Variants in FRMD3 observed in about 807,000 individuals in gnomAD.
FRMD3 encodes FERM domain-containing protein 3.
In FRMD3, 33 loss-of-function variants were observed where a neutral mutation model predicts 70.2. The ratio of observed to expected loss-of-function variants is 0.47; its 90% CI spans 0.36 to 0.63. FRMD3 has a LOEUF of 0.63. Ranked by LOEUF, FRMD3 falls within the 20% of genes least tolerant of loss-of-function variation. The pLI is 0.00. For missense variants in FRMD3, 632 were observed against 711.4 expected, an observed-to-expected ratio of 0.89 and a Z score of 1.27; for synonymous variants, 279 against 255.9, an observed-to-expected ratio of 1.09 and a Z score of -0.86.
chr9:83,463,037 T>G (rs747435017), intron 1 of FRMD3, among the ~76,000 whole-genome samples: 1 of 152,214 alleles, frequency 6.6e-6, no homozygotes, highest in Non-Finnish European at 1.5e-5. Context: ...CTTGCTAGAT[T>G]GCAAAAGAAG....
intron 1 of FRMD3, among the ~76,000 whole-genome samples, chr9:83,529,007 GTACAAAA>G (rs1203354316): frequency 6.6e-6 from 1 of 152,078 alleles, no homozygotes; most frequent in Non-Finnish European, 1.5e-5. Context: ...TAGCTATATT[GTACAAAA>G]TAAAGTAGTG....
At chr9:83,325,982 C>CT (rs1314131958) in intron 6 of FRMD3, among the ~76,000 whole-genome samples, 1 of 152,174 alleles carries the variant, frequency 6.6e-6, no homozygotes, top group Non-Finnish European at 1.5e-5. Context: ...TGCTGTCATG[C>CT]TACAACAGTA....
chr9:83,329,617 G>A (rs10114054), intron 6 of FRMD3, among the ~76,000 whole-genome samples: 66,665 of 151,978 alleles, frequency 0.44, 14,993 homozygotes, highest in Admixed American at 0.5. Context: ...TAACCTTTAA[G>A]AAATAGAGAT....
chr9:83,310,414 G>C lies in FRMD3; in HGVS notation c.837+71C>G, dbSNP rs1835307018. 3 of 1,175,490 alleles carry C rather than the reference G, an allele frequency of 2.6e-6. No homozygotes were observed. The East Asian group carries it at 7.1e-5, about 28-fold the overall frequency. 72.8% of individuals were successfully genotyped at this position (1,175,490 alleles called of 1,614,324 possible). On this transcript the variant is annotated intron_variant, in intron 9 of 13. Coordinates refer to ENST00000304195, the MANE Select transcript of FRMD3 (RefSeq NM_174938.6). ...GGTCTTTGGCGACTACAATACTAAAGGCATATTTTACTCCTGAATCTCTCT... is the reference window on the plus strand; with the variant it reads ...GGTCTTTGGCGACTACAATACTAAACGCATATTTTACTCCTGAATCTCTCT...
intron 1 of FRMD3, among the ~76,000 whole-genome samples, chr9:83,456,688 A>G (rs1482272347): frequency 6.6e-6 from 1 of 152,208 alleles, no homozygotes; most frequent in African/African-American, 2.4e-5. Context: ...GTGTAACTTA[A>G]AACAATACAG....
chr9:83,272,739 G>A (rs1223196813), intron 13 of FRMD3, among the ~76,000 whole-genome samples: 3 of 146,860 alleles, frequency 2.0e-5, no homozygotes, highest in Non-Finnish European at 3.0e-5. Context: ...AGTGAGGAGC[G>A]TCTCTGCCCG....
At chr9:83,308,637 G>A (rs900003632) in intron 10 of FRMD3, among the ~76,000 whole-genome samples, 13 of 152,202 alleles carry the variant, frequency 8.5e-5, no homozygotes, top group African/African-American at 3.1e-4. Context: ...TCTCAGAGAA[G>A]AAGGTGTAAC....
chr9:83,475,857 C>T (rs1000050735), intron 1 of FRMD3, among the ~76,000 whole-genome samples: 24 of 152,170 alleles, frequency 1.6e-4, no homozygotes, highest in African/African-American at 4.1e-4. Context: ...AATAAATGAG[C>T]GAAGATACAT....
At chr9:83,401,017 G>A (rs1375873136) in intron 1 of FRMD3, among the ~76,000 whole-genome samples, 2 of 152,172 alleles carry the variant, frequency 1.3e-5, no homozygotes, top group African/African-American at 4.8e-5. Context: ...CACATCAGGA[G>A]ATGCTAGCAT....
At chr9:83,480,637 A>C (rs1419816496) in intron 1 of FRMD3, among the ~76,000 whole-genome samples, 5 of 152,052 alleles carry the variant, frequency 3.3e-5, no homozygotes, top group Non-Finnish European at 7.4e-5. Flanking sequence ...CTGGGATTAC[A>C]GGCACCTGCC....
intron 1 of FRMD3, among the ~76,000 whole-genome samples, chr9:83,398,978 T>A (rs757982309): frequency 8.5e-5 from 13 of 152,068 alleles, no homozygotes; most frequent in Non-Finnish European, 1.8e-4. Context: ...CCAGGCCCAA[T>A]GGTAGAGAAT....
intron 2 of FRMD3, among the ~76,000 whole-genome samples, chr9:83,383,103 AC>A (rs1825407144): frequency 6.6e-6 from 1 of 152,120 alleles, no homozygotes. Flanking sequence ...GAGGGAGAGG[AC>A]CCCTGAGCCC....
At chr9:83,507,361 C>T (rs566224240) in intron 1 of FRMD3, among the ~76,000 whole-genome samples, 1,358 of 82,330 alleles carry the variant, frequency 0.016, 22 homozygotes, top group Middle Eastern at 0.025. Context: ...AGCAAGACTC[C>T]GTCTCAAAAA....
intron 6 of FRMD3, among the ~76,000 whole-genome samples, chr9:83,324,244 AAG>A (rs1205932792): frequency 6.6e-6 from 1 of 152,216 alleles, no homozygotes; most frequent in Non-Finnish European, 1.5e-5. Flanking sequence ...GGCAAAACTG[AAG>A]CAATACATCA....
chr9:83,477,657 G>T (rs1283215897), intron 1 of FRMD3, among the ~76,000 whole-genome samples: 1 of 152,114 alleles, frequency 6.6e-6, no homozygotes, highest in Non-Finnish European at 1.5e-5. Flanking sequence ...TCATCCCCTA[G>T]GATTATTTGA....
At chr9:83,496,039 T>A (rs575836269) in intron 1 of FRMD3, among the ~76,000 whole-genome samples, 1 of 152,342 alleles carries the variant, frequency 6.6e-6, no homozygotes, top group South Asian at 2.1e-4. Flanking sequence ...CATAAGCTAG[T>A]ACTTTAGAAG....
At chr9:83,319,681 C>A (rs1474889183) in intron 6 of FRMD3, among the ~76,000 whole-genome samples, 1 of 152,190 alleles carries the variant, frequency 6.6e-6, no homozygotes, top group African/African-American at 2.4e-5. Context: ...GTGGGAGCAA[C>A]CCAGTGGGAG....
intron 1 of FRMD3, among the ~76,000 whole-genome samples, chr9:83,503,770 C>T (rs897049220): frequency 6.6e-6 from 1 of 152,190 alleles, no homozygotes; most frequent in Non-Finnish European, 1.5e-5. Context: ...CACTCCAGGG[C>T]CACATCTCCA....
At chr9:83,394,509 A>C (rs76178597) in intron 1 of FRMD3, among the ~76,000 whole-genome samples, 2,789 of 152,280 alleles carry the variant, frequency 0.018, 83 homozygotes, top group African/African-American at 0.063. Context: ...TATTAAAGAC[A>C]ATGTTTGTAA....
Sources: allele counts gnomAD v4.1 joint callset (sites outside exome capture counted in the v4.1 genomes callset), GRCh38; gene constraint gnomAD v4.1.1; transcripts MANE v1.5; gene names NCBI Gene and HGNC (gene_info 2026-07-23, HGNC 2026-07-21).